NGF: variants seen among roughly 807,000 people sequenced by gnomAD.
The protein encoded by NGF is nerve growth factor, also known as beta-nerve growth factor.
In NGF, 4 loss-of-function variants were observed where a neutral mutation model predicts 12.8. That is an observed-to-expected ratio of 0.31 (90% CI 0.15 to 0.72). The LOEUF (loss-of-function observed/expected upper bound fraction) is 0.72. Ranked by LOEUF, NGF falls within the 30% of genes least tolerant of loss-of-function variation. The pLI is 0.69. For missense variants in NGF, 283 were observed against 330.8 expected, an observed-to-expected ratio of 0.86 and a Z score of 1.12; for synonymous variants, 140 against 130.0, an observed-to-expected ratio of 1.08 and a Z score of -0.52.
chr1:115,332,497 A>G (rs1654949360), intron 1 of NGF, among the ~76,000 whole-genome samples: 1 of 145,832 alleles, frequency 6.9e-6, no homozygotes, highest in Non-Finnish European at 1.5e-5. Flanking sequence ...TACAAAAAAG[A>G]TGTTATCCTA....
At chr1:115,333,689 CT>C (rs1175064137) in intron 1 of NGF, among the ~76,000 whole-genome samples, 4 of 59,110 alleles carry the variant, frequency 6.8e-5, no homozygotes, top group African/African-American at 5.1e-4. Context: ...TTCTTTCTTT[CT>C]TTCTTTCTTT....
chr1:115,314,593 T>A (rs1258747541), intron 1 of NGF, among the ~76,000 whole-genome samples: 1 of 152,222 alleles, frequency 6.6e-6, no homozygotes, highest in African/African-American at 2.4e-5. Context: ...TGCCTGGAAC[T>A]GCAGGAATTA....
chr1:115,325,494 C>A (rs919884023), intron 1 of NGF, among the ~76,000 whole-genome samples: 6 of 152,080 alleles, frequency 3.9e-5, no homozygotes, highest in Non-Finnish European at 7.4e-5. Context: ...ATGAGGTGGT[C>A]ACAGATATTG....
intron 1 of NGF, among the ~76,000 whole-genome samples, chr1:115,332,326 G>A (rs949115703): frequency 6.6e-6 from 1 of 152,158 alleles, no homozygotes; most frequent in African/African-American, 2.4e-5. Context: ...AAGATAAATC[G>A]CAAGATGAAA....
intron 1 of NGF, among the ~76,000 whole-genome samples, chr1:115,321,360 AAC>A (rs1255647823): frequency 3.3e-5 from 5 of 152,284 alleles, no homozygotes; most frequent in African/African-American, 1.2e-4. Flanking sequence ...GGCTGTTACT[AAC>A]ACTGTGATTT....
intron 1 of NGF, among the ~76,000 whole-genome samples, chr1:115,303,419 C>T (rs1654098730): frequency 6.6e-6 from 1 of 151,990 alleles, no homozygotes; most frequent in Admixed American, 6.6e-5. Flanking sequence ...TCTTCCATTA[C>T]CATCACTACC....
At chr1:115,299,942 G>T (rs1250549681) in intron 1 of NGF, among the ~76,000 whole-genome samples, 2 of 152,108 alleles carry the variant, frequency 1.3e-5, no homozygotes, top group Non-Finnish European at 2.9e-5. Flanking sequence ...TGGAGTCAAG[G>T]TTCGCATGTA....
intron 1 of NGF, among the ~76,000 whole-genome samples, chr1:115,321,333 G>A (rs1654617429): frequency 6.6e-6 from 1 of 152,200 alleles, no homozygotes; most frequent in African/African-American, 2.4e-5. Context: ...GAAATGAACT[G>A]AGCCCTGGGC....
chr1:115,305,003 T>C (rs1436752580), intron 1 of NGF, among the ~76,000 whole-genome samples: 1 of 151,992 alleles, frequency 6.6e-6, no homozygotes, highest in Non-Finnish European at 1.5e-5. Context: ...TCCCCAAGAG[T>C]CCTCTTCGGC....
In NGF at chr1:115,296,742, G is replaced by A. The variant is rs1443519338; in HGVS notation, c.-136-2992C>T. ...TGTCCACAATAATGAAACTCTAAAT[G>A]ATTTTTATAGATATTGTTGTCATTG... On this transcript the variant is annotated intron_variant, in intron 1 of 2. Coordinates refer to ENST00000369512, the MANE Select transcript of NGF (RefSeq NM_002506.3). Among the ~76,000 whole-genome samples, 4 of 152,324 alleles carry A rather than the reference G, an allele frequency of 2.6e-5. No homozygotes were observed. The South Asian group carries it at 6.2e-4, about 24-fold the overall frequency.
intron 1 of NGF, among the ~76,000 whole-genome samples, chr1:115,310,890 G>A (rs1222250279): frequency 6.6e-6 from 1 of 152,266 alleles, no homozygotes; most frequent in South Asian, 2.1e-4. Flanking sequence ...CATGGGAGGA[G>A]TAACAGGCGG....
intron 1 of NGF, among the ~76,000 whole-genome samples, chr1:115,320,899 T>G (rs763045542): frequency 1.4e-4 from 22 of 152,196 alleles, no homozygotes; most frequent in Non-Finnish European, 2.8e-4. Context: ...GTGGCCTCAC[T>G]GGGAGTGGAG....
In NGF at chr1:115,286,909, G is replaced by C. The variant is rs1653529447; in HGVS notation, c.-12-102C>G. 4.2e-6 allele frequency: 6 copies of C among 1,428,942 alleles called. No individual in the cohort carries two copies. The East Asian group carries it at 1.4e-4, about 32-fold the overall frequency. The allele number at this position is 1,428,942 out of a possible 1,614,324, so 88.5% of individuals were successfully genotyped here. A position where few individuals can be genotyped will look rare whatever the true frequency, so the allele number is the denominator to read the frequency against. ...GTTGACCTCCCAAGGGGATCACGAAGAGGTTTCATTCAAACCGGGGCACTT... is the reference window on the plus strand; with the variant it reads ...GTTGACCTCCCAAGGGGATCACGAACAGGTTTCATTCAAACCGGGGCACTT... On this transcript the variant is annotated intron_variant, in intron 2 of 2. Transcript: ENST00000369512.
intron 1 of NGF, among the ~76,000 whole-genome samples, chr1:115,332,329 A>T (rs1654945734): frequency 6.6e-6 from 1 of 152,362 alleles, no homozygotes; most frequent in South Asian, 2.1e-4. Context: ...ATAAATCGCA[A>T]GATGAAATGT....
At chr1:115,316,110 A>G (rs534647598) in intron 1 of NGF, among the ~76,000 whole-genome samples, 1 of 152,338 alleles carries the variant, frequency 6.6e-6, no homozygotes, top group South Asian at 2.1e-4. Context: ...CAGAGAGACC[A>G]TCTGTCGGAG....
chr1:115,301,027 A>T (rs937144141), intron 1 of NGF, among the ~76,000 whole-genome samples: 2 of 152,250 alleles, frequency 1.3e-5, no homozygotes, highest in African/African-American at 4.8e-5. Flanking sequence ...AGGAGAGATG[A>T]AAACCTGCTG....
At chr1:115,329,251 C>T (rs1654848400) in intron 1 of NGF, among the ~76,000 whole-genome samples, 1 of 152,176 alleles carries the variant, frequency 6.6e-6, no homozygotes, top group Non-Finnish European at 1.5e-5. Flanking sequence ...GTATGTACTT[C>T]ATACATCTAT....
intron 1 of NGF, among the ~76,000 whole-genome samples, chr1:115,337,732 C>T (rs1655174243): frequency 6.6e-6 from 1 of 152,164 alleles, no homozygotes; most frequent in South Asian, 2.1e-4. Flanking sequence ...GCAGCACTTT[C>T]CCTACTCGGC....
chr1:115,321,587 TGTG>T (rs1654628581), intron 1 of NGF, among the ~76,000 whole-genome samples: 1 of 86,428 alleles, frequency 1.2e-5, no homozygotes, highest in Non-Finnish European at 2.1e-5. Context: ...TGTGTGTGTG[TGTG>T]TGTGTGTGTG....
Sources: allele counts gnomAD v4.1 joint callset (sites outside exome capture counted in the v4.1 genomes callset), GRCh38; gene constraint gnomAD v4.1.1; transcripts MANE v1.5; gene names NCBI Gene and HGNC (gene_info 2026-07-23, HGNC 2026-07-21).